The following ZNF804A variants were observed in gnomAD, a reference collection of about 807,000 sequenced individuals.
ZNF804A encodes the protein zinc finger protein 804A.
A neutral mutation model predicts 16.5 loss-of-function variants in ZNF804A; 2 were observed. That is an observed-to-expected ratio of 0.12 (90% CI 0.05 to 0.38). The LOEUF (loss-of-function observed/expected upper bound fraction) is 0.38, where lower values mean the gene tolerates loss of function less well. Among genes scored for constraint, ZNF804A ranks in the 10% least tolerant of loss-of-function variants. ZNF804A has a pLI of 0.99. For missense variants in ZNF804A, 1,473 were observed against 1,390.7 expected (o/e 1.06, Z -0.94); for synonymous variants, 534 against 489.6 (o/e 1.09, Z -1.20).
At chr2:184,711,824 T>C (rs949048638) in intron 1 of ZNF804A, among the ~76,000 whole-genome samples, 4 of 151,872 alleles carry the variant, frequency 2.6e-5, no homozygotes, top group Admixed American at 2.6e-4. Flanking sequence ...TTCTATTCTG[T>C]TCCATTATTC....
intron 1 of ZNF804A, among the ~76,000 whole-genome samples, chr2:184,691,222 G>T (rs1574164676): frequency 6.6e-6 from 1 of 151,862 alleles, no homozygotes; most frequent in South Asian, 2.1e-4. Context: ...GAAGAAAATA[G>T]AATTTTGCTC....
At chr2:184,703,842 A>G (rs1281160628) in intron 1 of ZNF804A, among the ~76,000 whole-genome samples, 1 of 152,104 alleles carries the variant, frequency 6.6e-6, no homozygotes, top group African/African-American at 2.4e-5. Flanking sequence ...GAAATTTATA[A>G]TAGTGCATAT....
chr2:184,705,386 A>C (rs535541775), intron 1 of ZNF804A, among the ~76,000 whole-genome samples: 1 of 152,234 alleles, frequency 6.6e-6, no homozygotes, highest in Non-Finnish European at 1.5e-5. Flanking sequence ...GTAAAAATAA[A>C]TATGATATTA....
intron 1 of ZNF804A, among the ~76,000 whole-genome samples, chr2:184,641,265 T>G (rs1187075538): frequency 6.6e-6 from 1 of 152,184 alleles, no homozygotes; most frequent in African/African-American, 2.4e-5. Context: ...CTTTTAATAT[T>G]GTACAAATTG....
chr2:184,848,649 T>C (rs1695558902), intron 1 of ZNF804A, among the ~76,000 whole-genome samples: 2 of 152,048 alleles, frequency 1.3e-5, no homozygotes, highest in South Asian at 2.1e-4. Context: ...CATATAGTTA[T>C]GAAAGCTTCA....
chr2:184,821,506 A>C (rs1188757069), intron 1 of ZNF804A, among the ~76,000 whole-genome samples: 2 of 152,158 alleles, frequency 1.3e-5, no homozygotes, highest in Non-Finnish European at 2.9e-5. Flanking sequence ...AGGCATAGGT[A>C]AATATTTCAT....
At chr2:184,646,447 G>A (rs376014858) in intron 1 of ZNF804A, among the ~76,000 whole-genome samples, 59 of 152,270 alleles carry the variant, frequency 3.9e-4, no homozygotes, top group Middle Eastern at 6.8e-3. Context: ...TTATGCCCAG[G>A]CAGAGCTCCA....
At chr2:184,922,920 T>C (rs1044185799) in intron 2 of ZNF804A, among the ~76,000 whole-genome samples, 3 of 152,062 alleles carry the variant, frequency 2.0e-5, no homozygotes, top group Admixed American at 1.3e-4. Flanking sequence ...CATTGGTCTG[T>C]CTTTTTTATG....
At chr2:184,771,126 C>A (rs10174301) in intron 1 of ZNF804A, among the ~76,000 whole-genome samples, 21,064 of 151,918 alleles carry the variant, frequency 0.14, 1,583 homozygotes, top group Middle Eastern at 0.23. Flanking sequence ...ACTCTCATAA[C>A]CATGCTGTTG....
chr2:184,864,093 C>T lies in ZNF804A; in HGVS notation c.112-2276C>T, dbSNP rs182605033. Among the ~76,000 whole-genome samples the T allele has an allele frequency of 2.0e-3, 302 of 152,214 alleles. 1 individual carries two copies. Among genetic ancestry groups the T allele is most frequent in the African/African-American group, 7.0e-3 (290 of 41,528 alleles). ...AATACTTGAGGCTGGGTAATTTATA[C>T]AGAAAATAGGTTTATTTGACTCATG... On this transcript the variant is annotated intron_variant, in intron 1 of 3. Coordinates refer to ENST00000302277, the MANE Select transcript of ZNF804A (RefSeq NM_194250.2).
intron 1 of ZNF804A, among the ~76,000 whole-genome samples, chr2:184,770,281 A>G (rs1694190384): frequency 6.6e-6 from 1 of 152,042 alleles, no homozygotes; most frequent in African/African-American, 2.4e-5. Flanking sequence ...CACTTTTCCA[A>G]CCCAAACTGC....
At chr2:184,868,407 A>G (rs1558987549) in intron 2 of ZNF804A, among the ~76,000 whole-genome samples, 1 of 152,004 alleles carries the variant, frequency 6.6e-6, no homozygotes, top group Non-Finnish European at 1.5e-5. Context: ...CATGACTCTA[A>G]CACATTGTTC....
Position 184,890,843 on chromosome 2 carries a change from ATAT to A in ZNF804A, c.255+24335_255+24337del, listed in dbSNP as rs553908761. On this transcript the variant is annotated intron_variant, in intron 2 of 3. Coordinates refer to ENST00000302277, the MANE Select transcript of ZNF804A (RefSeq NM_194250.2). ...CTATATCTGGTTCATTATATATTAC[ATAT>A]TATATATAACATATAGATTATTTAC... Among the ~76,000 whole-genome samples the A allele has an allele frequency of 3.4e-3, 509 of 150,744 alleles. 2 individuals carry two copies. Among genetic ancestry groups the A allele is most frequent in the African/African-American group, 0.012 (482 of 41,218 alleles).
intron 1 of ZNF804A, among the ~76,000 whole-genome samples, chr2:184,673,885 T>C (rs572147842): frequency 2.0e-5 from 3 of 152,316 alleles, no homozygotes; most frequent in African/African-American, 7.2e-5. Flanking sequence ...AAATGTCTTA[T>C]AGCAAAGTAG....
At chr2:184,835,567 T>G (rs1157866342) in intron 1 of ZNF804A, among the ~76,000 whole-genome samples, 1 of 151,174 alleles carries the variant, frequency 6.6e-6, no homozygotes, top group African/African-American at 2.4e-5. Context: ...AAGCCCTGCC[T>G]CCAGAGTCAA....
chr2:184,892,911 T>C (rs1052192595), intron 2 of ZNF804A, among the ~76,000 whole-genome samples: 3 of 152,218 alleles, frequency 2.0e-5, no homozygotes, highest in Non-Finnish European at 4.4e-5. Context: ...TTGCCTGTGT[T>C]ATAATCAATA....
intron 1 of ZNF804A, among the ~76,000 whole-genome samples, chr2:184,607,174 T>C (rs556916758): frequency 6.6e-6 from 1 of 152,328 alleles, no homozygotes; most frequent in South Asian, 2.1e-4. Context: ...CTATGTAAAA[T>C]GGAGTTATTC....
intron 1 of ZNF804A, among the ~76,000 whole-genome samples, chr2:184,814,786 C>T (rs924208690): frequency 6.6e-6 from 1 of 151,998 alleles, no homozygotes; most frequent in Non-Finnish European, 1.5e-5. Flanking sequence ...AATGAGATCT[C>T]CGTCACCTGG....
chr2:184,800,656 A>T (rs920762127), intron 1 of ZNF804A, among the ~76,000 whole-genome samples: 1 of 151,500 alleles, frequency 6.6e-6, no homozygotes, highest in East Asian at 1.9e-4. Context: ...TTTATTTTTT[A>T]GAGTTCGTAA....
Sources: allele counts gnomAD v4.1 joint callset (sites outside exome capture counted in the v4.1 genomes callset), GRCh38; gene constraint gnomAD v4.1.1; transcripts MANE v1.5; gene names NCBI Gene and HGNC (gene_info 2026-07-23, HGNC 2026-07-21).